Variants in PHRF1 observed in about 807,000 individuals in gnomAD.
PHRF1 encodes the protein PHD and RING finger domain-containing protein 1.
PHRF1 carries 53 observed loss-of-function variants against 128.9 expected under a neutral mutation model. That is an observed-to-expected ratio of 0.41 (90% CI 0.33 to 0.52). The LOEUF is 0.52. Ranked by LOEUF, PHRF1 falls within the 20% of genes least tolerant of loss-of-function variation. The pLI, the probability that PHRF1 is intolerant of heterozygous loss-of-function variation, is 0.21. For synonymous variants in PHRF1, 1,178 were observed against 980.6 expected, an observed-to-expected ratio of 1.20 and a Z score of -3.76; for missense variants, 2,503 against 2,284.5, an observed-to-expected ratio of 1.10 and a Z score of -1.95.
chr11:576,950 G>A (rs893967511), intron 1 of PHRF1, among the ~76,000 whole-genome samples: 1 of 151,886 alleles, frequency 6.6e-6, no homozygotes, highest in African/African-American at 2.4e-5. Context: ...CGGACGTCCT[G>A]GGCTTGCGAG....
rs1042342275 is a variant in PHRF1 at position 606,691 on chromosome 11, G to A, written c.1609+95G>A. On this transcript the variant is annotated intron_variant, in intron 13 of 17. Transcript: ENST00000264555. ...AGCCCATGTCTCAGTCACGGAAGAT[G>A]TAGCTGAAGTTGGGGGGACCATTCC... 7 of 1,453,268 alleles carry A rather than the reference G, an allele frequency of 4.8e-6. No individual in the cohort carries two copies. In the African/African-American group the frequency reaches 7.1e-5, roughly 15 times the overall value. The allele number at this position is 1,453,268 out of a possible 1,614,324, so 90.0% of individuals were successfully genotyped here. A position where few individuals can be genotyped will look rare whatever the true frequency, so the allele number is the denominator to read the frequency against.
Position 596,959 on chromosome 11 carries a change from G to C in PHRF1, c.657G>C (p.Glu219Asp). 5 of 1,613,886 alleles carry C rather than the reference G, an allele frequency of 3.1e-6. No individual in the cohort carries two copies. Among genetic ancestry groups the C allele is most frequent in the Non-Finnish European group, 4.2e-6 (5 of 1,179,876 alleles). Residue 219 changes from glutamate (E) to aspartate (D), a missense_variant, in exon 7 of 18, where the codon GAG becomes GAC. Glu to Asp is a conservative substitution (Grantham distance 45). Coordinates refer to ENST00000264555, the MANE Select transcript of PHRF1 (RefSeq NM_001286581.2). ...AATGCTTGGACCCCCCTCTCCAGGA[G>C]GTGCCGGTGGACGAGTGGTTCTGCC... ...HMECLDPPLQ[E>D]VPVDEWFCPE...
Position 605,430 on chromosome 11 carries a change from C to T in PHRF1, c.1334+130C>T. 2.0e-6 allele frequency: 3 copies of T among 1,473,560 alleles called. No homozygotes were observed. In the South Asian group the frequency reaches 3.9e-5, roughly 19 times the overall value. The allele number at this position is 1,473,560 out of a possible 1,614,324, so 91.3% of individuals were successfully genotyped here. On this transcript the variant is annotated intron_variant, in intron 11 of 17. Coordinates refer to ENST00000264555, the MANE Select transcript of PHRF1 (RefSeq NM_001286581.2). ...AGAGTGAGGGTGGCCATTCCTCCCA[C>T]CGCCATACGGTGCAGGTGGGTGGCG...
rs1199954260 is a variant in PHRF1, at chr11:591,248, C to T, written c.421-136C>T. On this transcript the variant is annotated intron_variant, in intron 4 of 17. Coordinates refer to ENST00000264555, the MANE Select transcript of PHRF1 (RefSeq NM_001286581.2). Reference sequence around the variant, plus strand: ...AGGCTCGCTGTGCTCCCTCCACTGCCGTGTTGCCAGCAGCTTAGTGGAGGG... The same window carrying T: ...AGGCTCGCTGTGCTCCCTCCACTGCTGTGTTGCCAGCAGCTTAGTGGAGGG... 4.2e-5 allele frequency: 32 copies of T among 766,600 alleles called. No individual in the cohort carries two copies. The Admixed American group carries it at 4.8e-4, about 11-fold the overall frequency. The allele number at this position is 766,600 out of a possible 1,614,324, so 47.5% of individuals were successfully genotyped here. A position where few individuals can be genotyped will look rare whatever the true frequency, so the allele number is the denominator to read the frequency against.
intron 1 of PHRF1, 79 bp from the exon 2 acceptor site, chr11:581,413 G>T: frequency 8.2e-7 from 1 of 1,215,492 alleles, no homozygotes; most frequent in Non-Finnish European, 1.2e-6. Flanking sequence ...TGTGGCCTGT[G>T]GGGAGAGGTC....
At chr11:577,079 G>A (rs977076880) in intron 1 of PHRF1, among the ~76,000 whole-genome samples, 1 of 152,248 alleles carries the variant, frequency 6.6e-6, no homozygotes, top group Non-Finnish European at 1.5e-5. Context: ...CGGCCCCTGT[G>A]CATGGTTGCC....
Position 597,477 on chromosome 11 carries a change from A to G in PHRF1, c.801A>G (p.Ala267=), listed in dbSNP as rs367758132. ...VPTTSRLRPR[A]GRTRAIARTR... is the part of the protein sequence containing the mutation. ...CCACCAGCAGGCTTCGGCCTCGAGC[A>G]GGTAGGACCCGGGCGATAGCCAGGA... is the stretch of plus-strand genomic sequence containing the variant. Residue 267 remains alanine (A), a synonymous_variant, in exon 8 of 18, where the codon GCA becomes GCG. Transcript: ENST00000264555. This position sits in a 1 kb window ranked among gnomAD's most constrained non-coding sequence, Gnocchi z 6.5. The G allele has an allele frequency of 1.3e-3, 2,122 of 1,612,770 alleles. 41 individuals are homozygous for G. In the South Asian group the frequency reaches 0.022, roughly 17 times the overall value.
Position 607,901 on chromosome 11 carries a change from C to T in PHRF1, c.2445C>T (p.Pro815=). Reference sequence around the variant, plus strand: ...AGCAGAGGAAGGAGAACCCCTCACCCCTCTTCTCCATCAAGAAGACGAAGC... The same window carrying T: ...AGCAGAGGAAGGAGAACCCCTCACCTCTCTTCTCCATCAAGAAGACGAAGC... ...DKEQRKENPS[P]LFSIKKTKQL... is the part of the protein sequence containing the mutation. Residue 815 remains proline (P), a synonymous_variant, in exon 14 of 18, where the codon CCC becomes CCT. Coordinates refer to ENST00000264555, the MANE Select transcript of PHRF1 (RefSeq NM_001286581.2). 6.2e-7 allele frequency: 1 copy of T among 1,612,714 alleles called. No individual in the cohort carries two copies. Among genetic ancestry groups the T allele is most frequent in the South Asian group, 1.1e-5 (1 of 91,084 alleles).
Position 611,700 on chromosome 11 carries a change from GACAAGTACAGGC to G in PHRF1, c.4877_4888del (p.Lys1626_His1629del). The G allele has an allele frequency of 6.2e-7, 1 of 1,613,108 alleles. No homozygotes were observed. On this transcript the variant is annotated inframe_deletion, in exon 18 of 18. Coordinates refer to ENST00000264555, the MANE Select transcript of PHRF1 (RefSeq NM_001286581.2). ...GGCCAACCTGGTGAAGGCGTACGTG[GACAAGTACAGGC>G]ACATGCGCAGGCACAAGAAACCAGA... is the stretch of plus-strand genomic sequence containing the variant.
intron 10 of PHRF1, among the ~76,000 whole-genome samples, chr11:604,533 A>T (rs1451829673): frequency 6.6e-6 from 1 of 152,164 alleles, no homozygotes; most frequent in East Asian, 1.9e-4. Flanking sequence ...TTTGTTTTTG[A>T]GACAGAGTCT....
Position 576,562 on chromosome 11 carries a change from C to A in PHRF1, c.-52C>A. 6.6e-6 allele frequency: 1 copy of A among 151,404 alleles called. No individual in the cohort carries two copies. The highest frequency in any genetic ancestry group is 1.9e-4 in the South Asian group (1 of 5,218). The allele number at this position is 151,404 out of a possible 1,614,324, so 9.4% of individuals were successfully genotyped here. Reference sequence around the variant, plus strand: ...CGGTCGTGCAGCGGCGGCGAGCGCTCGCGAGCGGCTGCGGGACGCGAGGTT... The same window carrying A: ...CGGTCGTGCAGCGGCGGCGAGCGCTAGCGAGCGGCTGCGGGACGCGAGGTT... On this transcript the variant is annotated 5_prime_UTR_variant, in exon 1 of 18. Transcript: ENST00000264555.
chr11:590,366 C>T (rs1334358910), intron 4 of PHRF1, among the ~76,000 whole-genome samples: 1 of 152,324 alleles, frequency 6.6e-6, no homozygotes, highest in South Asian at 2.1e-4. Flanking sequence ...ATTTGTGTGG[C>T]AGTGTCTCTT....
rs1564875769 is a variant in PHRF1 at position 611,647 on chromosome 11, AGAGTG to A, written c.4824_4828del (p.Ser1608ArgfsTer98). 6.2e-7 allele frequency: 1 copy of A among 1,613,118 alleles called. No individual in the cohort carries two copies. The highest frequency in any genetic ancestry group is 8.5e-7 in the Non-Finnish European group (1 of 1,179,848). On this transcript the variant is annotated frameshift_variant, in exon 18 of 18. Transcript: ENST00000264555. LOFTEE classifies it low-confidence loss of function (END_TRUNC). ...CTCTTTCTCCAGATCTGCCACAGCA[AGAGTG>A]GAGAGATCAACCCCGTGAAGGTGGC...
intron 6 of PHRF1, among the ~76,000 whole-genome samples, chr11:596,645 T>TC (rs1855294132): frequency 6.6e-6 from 1 of 152,212 alleles, no homozygotes; most frequent in Non-Finnish European, 1.5e-5. Flanking sequence ...GAGGCCCCCT[T>TC]CCTGACTTAC....
chr11:581,914 C>G, intron 2 of PHRF1, 48 bp from the exon 3 acceptor site: 2 of 1,527,258 alleles, frequency 1.3e-6, no homozygotes, highest in Non-Finnish European at 1.8e-6. Flanking sequence ...CTCTCTGCTG[C>G]ATGGTCTTGA....
At chr11:582,702 T>C (rs1192741027) in intron 3 of PHRF1, among the ~76,000 whole-genome samples, 1 of 151,486 alleles carries the variant, frequency 6.6e-6, no homozygotes, top group East Asian at 2.0e-4. Flanking sequence ...TTTTTTGTAT[T>C]TTTAGTAGAG....
intron 1 of PHRF1, among the ~76,000 whole-genome samples, chr11:578,798 G>A (rs1377941192): frequency 1.3e-5 from 2 of 152,080 alleles, no homozygotes; most frequent in African/African-American, 4.8e-5. Flanking sequence ...TGATCTGCCT[G>A]CCTCAGCCTC....
chr11:585,652 TCCAGCTTGAGGTAGTAGCTCTTCAACTC>T lies in PHRF1; in HGVS notation c.215-1606_215-1579del, dbSNP rs1564841322. ...TTTCCAGCTTGAGGTAGTAGCCCTT[TCCAGCTTGAGGTAGTAGCTCTTCAACTC>T]TTTTTTTTTTTTTTTTTTGAGGTCG... On this transcript the variant is annotated intron_variant, in intron 3 of 17. Coordinates refer to ENST00000264555, the MANE Select transcript of PHRF1 (RefSeq NM_001286581.2). 2.0e-4 allele frequency among the ~76,000 whole-genome samples: 20 copies of T among 100,754 alleles called. 3 individuals carry two copies. Among genetic ancestry groups the T allele is most frequent in the African/African-American group, 6.1e-4 (18 of 29,530 alleles). The allele number at this position is 100,754 out of a possible 152,430, so 66.1% of individuals were successfully genotyped here.
At chr11:578,635 G>A (rs992634349) in intron 1 of PHRF1, among the ~76,000 whole-genome samples, 3 of 152,112 alleles carry the variant, frequency 2.0e-5, no homozygotes, top group South Asian at 2.1e-4. Flanking sequence ...CACATACTAT[G>A]GCTCACTGCA....
Sources: allele counts gnomAD v4.1 joint callset (sites outside exome capture counted in the v4.1 genomes callset), GRCh38; gene constraint gnomAD v4.1.1; non-coding constraint Gnocchi (gnomAD v3.1); transcripts MANE v1.5; gene names NCBI Gene and HGNC (gene_info 2026-07-23, HGNC 2026-07-21).